The following GALNT10 variants were observed in gnomAD, a reference collection of about 807,000 sequenced individuals.
GALNT10 encodes GalNAc transferase 10.
In GALNT10, 41 loss-of-function variants were observed where a neutral mutation model predicts 75.0. That is an observed-to-expected ratio of 0.55 (90% confidence interval 0.43 to 0.71). The LOEUF is 0.71. Ranked by LOEUF, GALNT10 falls within the 30% of genes least tolerant of loss-of-function variation. The pLI, the probability that GALNT10 is intolerant of heterozygous loss-of-function variation, is 0.00. For missense variants in GALNT10, 727 were observed against 818.5 expected (o/e 0.89, Z 1.36); for synonymous variants, 302 against 313.0 (o/e 0.96, Z 0.37).
chr5:154,284,980 A>G (rs1026054621), intron 1 of GALNT10, among the ~76,000 whole-genome samples: 1 of 152,240 alleles, frequency 6.6e-6, no homozygotes, highest in African/African-American at 2.4e-5. Flanking sequence ...CCACCACTTA[A>G]GGTGAAAATA....
chr5:154,369,191 C>G (rs1207945099), intron 4 of GALNT10, among the ~76,000 whole-genome samples: 1 of 152,128 alleles, frequency 6.6e-6, no homozygotes, highest in Non-Finnish European at 1.5e-5. Flanking sequence ...AGTTCGAGAC[C>G]AGCCTGGCCG....
At position 154,219,833 on chromosome 5, in the gene GALNT10, C is replaced by G. The variant is rs1752946019; in HGVS notation, c.159+28808C>G. 1.6e-5 allele frequency among the ~76,000 whole-genome samples: 2 copies of G among 126,032 alleles called. 1 individual carries two copies. The highest frequency in any genetic ancestry group is 5.7e-4 in the South Asian group (2 of 3,484). 82.7% of individuals were successfully genotyped at this position (126,032 alleles called of 152,430 possible). A position where few individuals can be genotyped will look rare whatever the true frequency, so the allele number is the denominator to read the frequency against. ...TCGCGCTCTCTCTCTCTCTCTCTCT[C>G]TCTCTCACACACACACACACACACA... On this transcript the variant is annotated intron_variant, in intron 1 of 11. Transcript: ENST00000297107.
chr5:154,215,878 C>A (rs1752865673), intron 1 of GALNT10, among the ~76,000 whole-genome samples: 1 of 152,144 alleles, frequency 6.6e-6, no homozygotes, highest in Admixed American at 6.5e-5. Flanking sequence ...TTGGCAGGGC[C>A]CTCTTAGCTC....
chr5:154,285,186 G>A (rs1478464011), intron 1 of GALNT10, among the ~76,000 whole-genome samples: 3 of 152,042 alleles, frequency 2.0e-5, no homozygotes, highest in South Asian at 2.1e-4. Context: ...AGCACAGAGC[G>A]CTCACACTTC....
At chr5:154,250,083 G>T (rs541005447) in intron 1 of GALNT10, among the ~76,000 whole-genome samples, 1 of 152,076 alleles carries the variant, frequency 6.6e-6, no homozygotes, top group Non-Finnish European at 1.5e-5. Context: ...TTTTCTCCCC[G>T]TTCCCGGGGA....
At chr5:154,299,239 C>T (rs1446234609) in intron 3 of GALNT10, among the ~76,000 whole-genome samples, 1 of 152,188 alleles carries the variant, frequency 6.6e-6, no homozygotes, top group Non-Finnish European at 1.5e-5. Flanking sequence ...TTTACCAAAT[C>T]AAAGCTATGA....
intron 3 of GALNT10, among the ~76,000 whole-genome samples, chr5:154,299,138 C>T (rs1033162379): frequency 6.6e-6 from 1 of 152,164 alleles, no homozygotes; most frequent in Non-Finnish European, 1.5e-5. Context: ...TTTTCTAAGC[C>T]AGTGGTTCTC....
At chr5:154,395,856 A>G (rs1009331257) in intron 7 of GALNT10, among the ~76,000 whole-genome samples, 1 of 152,206 alleles carries the variant, frequency 6.6e-6, no homozygotes, top group Non-Finnish European at 1.5e-5. Context: ...GGAACTTATT[A>G]GAAATGCAAA....
At chr5:154,230,490 G>C (rs1252826550) in intron 1 of GALNT10, among the ~76,000 whole-genome samples, 3 of 152,170 alleles carry the variant, frequency 2.0e-5, no homozygotes, top group Admixed American at 6.5e-5. Context: ...CTGCCCCTTG[G>C]TATGCAGCAA....
At chr5:154,290,880 T>A (rs1462943611) in intron 1 of GALNT10, among the ~76,000 whole-genome samples, 1 of 152,192 alleles carries the variant, frequency 6.6e-6, no homozygotes, top group Non-Finnish European at 1.5e-5. Context: ...GTACTAATTG[T>A]CTCTGAGCAG....
chr5:154,332,391 C>T (rs1754880780), intron 4 of GALNT10, among the ~76,000 whole-genome samples: 1 of 152,136 alleles, frequency 6.6e-6, no homozygotes, highest in South Asian at 2.1e-4. Flanking sequence ...TCCTGGAGCA[C>T]AGCACACACC....
chr5:154,251,947 T>G (rs1383620409), intron 1 of GALNT10, among the ~76,000 whole-genome samples: 1 of 90,014 alleles, frequency 1.1e-5, no homozygotes, highest in Non-Finnish European at 2.6e-5. Flanking sequence ...ACCCTGTGAG[T>G]TCATAAATAT....
chr5:154,351,122 A>G (rs1005220630), intron 4 of GALNT10, among the ~76,000 whole-genome samples: 1 of 152,268 alleles, frequency 6.6e-6, no homozygotes, highest in Non-Finnish European at 1.5e-5. Context: ...TTGAATTTGT[A>G]TAATGTGACA....
chr5:154,285,848 C>A (rs1213033816), intron 1 of GALNT10, among the ~76,000 whole-genome samples: 1 of 152,140 alleles, frequency 6.6e-6, no homozygotes, highest in Non-Finnish European at 1.5e-5. Context: ...CTGTCCACCT[C>A]TCATTCCTAC....
chr5:154,355,078 G>A (rs922325626), intron 4 of GALNT10, among the ~76,000 whole-genome samples: 24 of 152,086 alleles, frequency 1.6e-4, no homozygotes, highest in Non-Finnish European at 2.1e-4. Flanking sequence ...GAAATGTATC[G>A]CACACACTCT....
intron 1 of GALNT10, among the ~76,000 whole-genome samples, chr5:154,287,793 TAATTGTCC>T (rs1217394917): frequency 6.6e-6 from 1 of 152,176 alleles, no homozygotes; most frequent in Non-Finnish European, 1.5e-5. Context: ...TACATTTATC[TAATTGTCC>T]AAACTCCCTT....
chr5:154,241,507 AAT>A (rs1240397951), intron 1 of GALNT10, among the ~76,000 whole-genome samples: 4 of 152,172 alleles, frequency 2.6e-5, no homozygotes, highest in Non-Finnish European at 5.9e-5. Flanking sequence ...TTAAGGAGAT[AAT>A]AGAGAGGTTT....
At chr5:154,320,420 T>C (rs1644949923) in intron 3 of GALNT10, among the ~76,000 whole-genome samples, 1 of 152,188 alleles carries the variant, frequency 6.6e-6, no homozygotes, top group African/African-American at 2.4e-5. Context: ...TGCTGTGTAA[T>C]AGCTATATTG....
At chr5:154,231,086 G>T (rs1312302044) in intron 1 of GALNT10, among the ~76,000 whole-genome samples, 1 of 152,134 alleles carries the variant, frequency 6.6e-6, no homozygotes, top group Non-Finnish European at 1.5e-5. Flanking sequence ...ATAGATGAGA[G>T]AAATAGGCTA....
Sources: gnomAD v4.1 joint callset for allele counts (sites outside exome capture counted in the v4.1 genomes callset) on GRCh38, gnomAD v4.1.1 for gene constraint, MANE v1.5 for transcripts, NCBI Gene and HGNC (gene_info 2026-07-23, HGNC 2026-07-21) for gene names.